Variants in PIK3C2G observed in about 807,000 individuals in gnomAD.
The protein encoded by PIK3C2G is phosphatidylinositol-4-phosphate 3-kinase catalytic subunit type 2 gamma.
Under a neutral mutation model 181.1 loss-of-function variants are expected in PIK3C2G, and 168 were observed. The observed-to-expected ratio is 0.93, with a 90% CI of 0.82 to 1.05. PIK3C2G has a LOEUF of 1.05. Ranked by LOEUF, PIK3C2G falls within the 50% of genes least tolerant of loss-of-function variation. The probability of loss-of-function intolerance (pLI) is 0.00; values close to 1 mark genes in which losing one functional copy is unlikely to be tolerated. For missense variants in PIK3C2G, 1,869 were observed against 1,732.8 expected, an observed-to-expected ratio of 1.08 and a Z score of -1.40; for synonymous variants, 573 against 592.2, an observed-to-expected ratio of 0.97 and a Z score of 0.47.
chr12:18,332,227 G>C (rs2137546280), intron 8 of PIK3C2G, among the ~76,000 whole-genome samples: 1 of 152,214 alleles, frequency 6.6e-6, no homozygotes, highest in Admixed American at 6.5e-5. Context: ...GTAGGATCCT[G>C]CTTCATCCTC....
chr12:18,346,429 T>G (rs1939677183), intron 10 of PIK3C2G, among the ~76,000 whole-genome samples: 1 of 152,208 alleles, frequency 6.6e-6, no homozygotes, highest in African/African-American at 2.4e-5. Context: ...TTTCTGCAGC[T>G]GAAGATCAGA....
At chr12:18,249,042 G>A (rs1266840312) in intron 1 of PIK3C2G, among the ~76,000 whole-genome samples, 1 of 151,954 alleles carries the variant, frequency 6.6e-6, no homozygotes, top group African/African-American at 2.4e-5. Context: ...GAAAGTTGTT[G>A]GATTTCTTCT....
intron 1 of PIK3C2G, among the ~76,000 whole-genome samples, chr12:18,275,642 A>C (rs564183495): frequency 6.6e-6 from 1 of 152,118 alleles, no homozygotes; most frequent in South Asian, 2.1e-4. Flanking sequence ...CGGCCTCCCA[A>C]AGTGCTGGGA....
chr12:18,683,988 G>A, the PIK3C2G span: 1 of 1,046,512 alleles, frequency 9.6e-7, no homozygotes, highest in Non-Finnish European at 1.4e-6. Context: ...TAATTCCACA[G>A]AGAAAAAATA....
intron 30 of PIK3C2G, among the ~76,000 whole-genome samples, chr12:18,602,674 C>T (rs551341938): frequency 1.4e-3 from 211 of 152,214 alleles, no homozygotes; most frequent in Admixed American, 5.1e-3. Flanking sequence ...GGCTGAGAGA[C>T]CCACAGACAG....
intron 5 of PIK3C2G, among the ~76,000 whole-genome samples, chr12:18,300,909 T>C (rs1950148700): frequency 1.3e-5 from 2 of 152,136 alleles, no homozygotes; most frequent in African/African-American, 4.8e-5. Context: ...TTCTCTCAGT[T>C]TTTGCTTTCC....
chr12:18,653,570 T>G, the PIK3C2G span, among the ~76,000 whole-genome samples: 1 of 152,106 alleles, frequency 6.6e-6, no homozygotes, highest in Non-Finnish European at 1.5e-5. Context: ...TTCACCAAAT[T>G]GTGTTCCTTT....
chr12:18,587,798 C>G (rs935369683), intron 29 of PIK3C2G, among the ~76,000 whole-genome samples: 2 of 151,614 alleles, frequency 1.3e-5, no homozygotes, highest in African/African-American at 4.8e-5. Context: ...ATAGCCAACC[C>G]AATCCTAAGC....
intron 2 of PIK3C2G, among the ~76,000 whole-genome samples, chr12:18,285,024 C>T (rs1399069218): frequency 6.6e-6 from 1 of 152,162 alleles, no homozygotes; most frequent in Non-Finnish European, 1.5e-5. Context: ...CTAACAAGCT[C>T]GCCACAACCC....
At position 18,325,054 on chromosome 12, in the gene PIK3C2G, A is replaced by T; in HGVS notation, c.1228A>T (p.Ile410Phe). Residue 410 changes from isoleucine to phenylalanine, a missense_variant, in exon 8 of 33, where the codon ATC becomes TTC. Coordinates refer to ENST00000538779, the MANE Select transcript of PIK3C2G (RefSeq NM_001288772.2). ...TTCCAGACAATGTCTCTTAACACTC[A>T]TCAGAAAATATGACTTCCACCTGAA... ...KVSRQCLLTL[I>F]RKYDFHLKYL... 1.3e-6 allele frequency: 2 copies of T among 1,572,356 alleles called. No individual in the cohort carries two copies. Among genetic ancestry groups the T allele is most frequent in the African/African-American group, 1.4e-5 (1 of 74,064 alleles).
intron 29 of PIK3C2G, among the ~76,000 whole-genome samples, chr12:18,586,332 C>T (rs536883175): frequency 3.9e-4 from 59 of 152,068 alleles, no homozygotes; most frequent in Admixed American, 2.4e-3. Flanking sequence ...ATTAGCTAGA[C>T]TAACAAAGAA....
At chr12:18,724,555 C>T in the PIK3C2G span, among the ~76,000 whole-genome samples, 1 of 152,044 alleles carries the variant, frequency 6.6e-6, no homozygotes, top group Non-Finnish European at 1.5e-5. Flanking sequence ...ATGGTGGGAT[C>T]TGTGGTTGTC....
intron 28 of PIK3C2G, among the ~76,000 whole-genome samples, chr12:18,564,009 A>T (rs912520688): frequency 6.6e-6 from 1 of 150,916 alleles, no homozygotes; most frequent in African/African-American, 2.4e-5. Context: ...AAATGTATTT[A>T]TATCAATTCA....
chr12:18,648,084 G>A lies in PIK3C2G; in HGVS notation c.*56G>A, dbSNP rs73071879. On this transcript the variant is annotated 3_prime_UTR_variant, in exon 33 of 33. Transcript: ENST00000538779. Reference sequence around the variant, plus strand: ...AACTACTTGTATTTTTTTCACTTCTGGGCCTCTGAATCACATAAGTAAGGC... The same window carrying A: ...AACTACTTGTATTTTTTTCACTTCTAGGCCTCTGAATCACATAAGTAAGGC... 42,490 of 1,096,360 alleles carry A rather than the reference G, an allele frequency of 0.039. 1,067 individuals are homozygous for A. The highest frequency in any genetic ancestry group is 0.093 in the African/African-American group (5,832 of 62,808). The allele number at this position is 1,096,360 out of a possible 1,614,324, so 67.9% of individuals were successfully genotyped here. A position where few individuals can be genotyped will look rare whatever the true frequency, so the allele number is the denominator to read the frequency against.
chr12:18,545,473 T>C (rs963959054), intron 25 of PIK3C2G, among the ~76,000 whole-genome samples: 3 of 151,830 alleles, frequency 2.0e-5, no homozygotes, highest in Non-Finnish European at 4.4e-5. Context: ...AAATAATTTA[T>C]CATCTTAGTC....
At chr12:18,666,837 G>A in the PIK3C2G span, among the ~76,000 whole-genome samples, 1 of 152,008 alleles carries the variant, frequency 6.6e-6, no homozygotes. Context: ...CTGGTTATGT[G>A]GTATATGGAA....
intron 18 of PIK3C2G, among the ~76,000 whole-genome samples, chr12:18,483,011 A>G (rs1939708429): frequency 6.6e-6 from 1 of 152,218 alleles, no homozygotes; most frequent in Non-Finnish European, 1.5e-5. Flanking sequence ...CTTGAAATAT[A>G]GGATAACTAT....
chr12:18,378,454 T>C (rs563110974), intron 13 of PIK3C2G, among the ~76,000 whole-genome samples: 96 of 152,268 alleles, frequency 6.3e-4, no homozygotes, highest in African/African-American at 2.2e-3. Flanking sequence ...GACATAGGCA[T>C]GGGCAAGGAC....
chr12:18,293,200 G>A (rs1236837022), intron 4 of PIK3C2G, among the ~76,000 whole-genome samples: 2 of 151,696 alleles, frequency 1.3e-5, no homozygotes, highest in Non-Finnish European at 2.9e-5. Flanking sequence ...TGATAGCTTC[G>A]CACCAGATTC....
Sources: allele counts gnomAD v4.1 joint callset (sites outside exome capture counted in the v4.1 genomes callset), GRCh38; gene constraint gnomAD v4.1.1; transcripts MANE v1.5; gene names NCBI Gene and HGNC (gene_info 2026-07-23, HGNC 2026-07-21).